Variants in AMBRA1 observed in about 807,000 individuals in gnomAD.
AMBRA1 encodes the protein autophagy and beclin 1 regulator 1.
Under a neutral mutation model 125.4 loss-of-function variants are expected in AMBRA1, and 47 were observed. That is an observed-to-expected ratio of 0.37 (90% CI 0.30 to 0.48). The LOEUF (loss-of-function observed/expected upper bound fraction) is 0.48. Among genes scored for constraint, AMBRA1 ranks in the 20% least tolerant of loss-of-function variants. AMBRA1 has a pLI of 0.99. For missense variants in AMBRA1, 1,331 were observed against 1,693.4 expected, an observed-to-expected ratio of 0.79 and a Z score of 3.76; for synonymous variants, 626 against 655.5, an observed-to-expected ratio of 0.95 and a Z score of 0.69.
intron 1 of AMBRA1, among the ~76,000 whole-genome samples, chr11:46,556,442 C>G (rs2043158307): frequency 6.6e-6 from 1 of 152,226 alleles, no homozygotes; most frequent in South Asian, 2.1e-4. Flanking sequence ...AAAACTCCAA[C>G]TATTCCCTGA....
At chr11:46,520,867 A>G (rs1951733735) in intron 7 of AMBRA1, among the ~76,000 whole-genome samples, 1 of 151,440 alleles carries the variant, frequency 6.6e-6, no homozygotes, top group Admixed American at 6.6e-5. Flanking sequence ...GGCCTCCCAA[A>G]GTGTTGGGAT....
chr11:46,421,126 G>A (rs1456211974), intron 14 of AMBRA1, among the ~76,000 whole-genome samples: 1 of 150,920 alleles, frequency 6.6e-6, no homozygotes, highest in Admixed American at 6.6e-5. Flanking sequence ...CCCTCAAGAC[G>A]CCAATATGAT....
intron 17 of AMBRA1, among the ~76,000 whole-genome samples, chr11:46,401,724 T>C (rs1945771840): frequency 6.6e-6 from 1 of 152,224 alleles, no homozygotes. Context: ...CCCCTCTCTA[T>C]GGCTATGACT....
intron 1 of AMBRA1, among the ~76,000 whole-genome samples, chr11:46,555,132 A>G (rs2043126247): frequency 6.6e-6 from 1 of 152,134 alleles, no homozygotes; most frequent in Admixed American, 6.6e-5. Flanking sequence ...ATTTCCACAC[A>G]CACATACTCC....
rs140657013 is a variant in AMBRA1 at position 46,572,641 on chromosome 11, T to C, written c.-121+21187A>G. 1.9e-3 allele frequency among the ~76,000 whole-genome samples: 286 copies of C among 152,162 alleles called. 3 individuals are homozygous for C. Among genetic ancestry groups the C allele is most frequent in the Non-Finnish European group, 2.5e-3 (171 of 68,012 alleles). On this transcript the variant is annotated intron_variant, in intron 1 of 17. Coordinates refer to ENST00000683756, the MANE Select transcript of AMBRA1 (RefSeq NM_001387011.1). ...GGAACTGTCAATACCCACTGAAAAA[T>C]TGTCAGCATTATCATCATCATCTTG...
At chr11:46,525,688 T>C (rs1217173692) in intron 7 of AMBRA1, among the ~76,000 whole-genome samples, 2 of 151,736 alleles carry the variant, frequency 1.3e-5, no homozygotes, top group Non-Finnish European at 2.9e-5. Flanking sequence ...GAGGCGGAAG[T>C]TGCAGTGACC....
intron 1 of AMBRA1, among the ~76,000 whole-genome samples, chr11:46,591,715 G>A (rs889605355): frequency 6.6e-6 from 1 of 151,710 alleles, no homozygotes; most frequent in Admixed American, 6.6e-5. Context: ...AATTAGCTGG[G>A]CGTGGTGGCG....
At chr11:46,528,463 G>A (rs1000503225) in intron 7 of AMBRA1, among the ~76,000 whole-genome samples, 2 of 152,132 alleles carry the variant, frequency 1.3e-5, no homozygotes, top group African/African-American at 2.4e-5. Context: ...GAGCCACCGC[G>A]CCCAGCCACT....
At chr11:46,507,466 G>C (rs1232941346) in intron 9 of AMBRA1, among the ~76,000 whole-genome samples, 1 of 143,168 alleles carries the variant, frequency 7.0e-6, no homozygotes. Flanking sequence ...GCGAAAGAGC[G>C]AGACTCCGTC....
chr11:46,407,481 C>T (rs1268238726), intron 17 of AMBRA1, among the ~76,000 whole-genome samples: 1 of 152,224 alleles, frequency 6.6e-6, no homozygotes, highest in African/African-American at 2.4e-5. Context: ...AGGAGCCTTC[C>T]ACCACCTCCT....
intron 7 of AMBRA1, among the ~76,000 whole-genome samples, chr11:46,518,971 G>GA (rs1951640067): frequency 6.6e-6 from 1 of 152,048 alleles, no homozygotes; most frequent in Non-Finnish European, 1.5e-5. Flanking sequence ...CTCTGGAAAA[G>GA]AAAAAAAGTG....
At chr11:46,558,618 C>A (rs1302544479) in intron 1 of AMBRA1, among the ~76,000 whole-genome samples, 1 of 144,362 alleles carries the variant, frequency 6.9e-6, no homozygotes, top group Admixed American at 6.9e-5. Context: ...TGACAAATAT[C>A]AAGAATTTTC....
chr11:46,545,690 G>T lies in AMBRA1; in HGVS notation c.465C>A (p.Ala155=). 1 of 1,614,186 alleles carries T rather than the reference G, an allele frequency of 6.2e-7. No individual in the cohort carries two copies. Among genetic ancestry groups the T allele is most frequent in the East Asian group, 2.2e-5 (1 of 44,888 alleles). Residue 155 remains alanine (A), a synonymous_variant, in exon 5 of 18, where the codon GCC becomes GCA. Coordinates refer to ENST00000683756, the MANE Select transcript of AMBRA1 (RefSeq NM_001387011.1). ...FHPTAQLLLI[A]TANEIHFWDW... The stretch of plus-strand genomic sequence containing the variant: ...CCCAGAAGTGGATCTCATTGGCAGT[G>T]GCAATCAGCAGGAGCTGAGCCGTAG...
At chr11:46,492,903 G>A (rs1052015340) in intron 11 of AMBRA1, among the ~76,000 whole-genome samples, 3 of 152,160 alleles carry the variant, frequency 2.0e-5, no homozygotes, top group African/African-American at 7.2e-5. Flanking sequence ...CAAAAAATTA[G>A]CTGGGCGTGG....
chr11:46,514,659 G>C (rs192920052), intron 7 of AMBRA1, among the ~76,000 whole-genome samples: 97 of 151,054 alleles, frequency 6.4e-4, no homozygotes, highest in African/African-American at 2.1e-3. Context: ...TTTTTTGATA[G>C]AGACAGAGTC....
chr11:46,512,854 A>G, intron 7 of AMBRA1, 41 bp from the exon 8 acceptor site: 4 of 1,567,444 alleles, frequency 2.6e-6, no homozygotes, highest in Non-Finnish European at 3.5e-6. Flanking sequence ...CCTGTCAATT[A>G]CCAACTCAGA....
At chr11:46,534,761 C>T (rs1952386814) in intron 7 of AMBRA1, among the ~76,000 whole-genome samples, 1 of 152,156 alleles carries the variant, frequency 6.6e-6, no homozygotes, top group African/African-American at 2.4e-5. Flanking sequence ...GCAGCCTCAA[C>T]CTTCTGAGCT....
intron 11 of AMBRA1, among the ~76,000 whole-genome samples, chr11:46,459,097 T>C (rs1948979897): frequency 6.6e-6 from 1 of 152,128 alleles, no homozygotes; most frequent in African/African-American, 2.4e-5. Flanking sequence ...AACTACACCA[T>C]GGAACACCAC....
chr11:46,457,905 C>CAAA (rs398045181), intron 11 of AMBRA1, among the ~76,000 whole-genome samples: 9 of 79,710 alleles, frequency 1.1e-4, no homozygotes, highest in Non-Finnish European at 1.6e-4. Context: ...GACTCCGTTG[C>CAAA]AAAAAAAAAA....
Sources: gnomAD v4.1 joint callset for allele counts (sites outside exome capture counted in the v4.1 genomes callset) on GRCh38, gnomAD v4.1.1 for gene constraint, MANE v1.5 for transcripts, NCBI Gene and HGNC (gene_info 2026-07-23, HGNC 2026-07-21) for gene names.